The following KCNN3 variants were observed in gnomAD, a reference collection of about 807,000 sequenced individuals.
KCNN3 encodes the protein potassium calcium-activated channel subfamily N member 3.
In KCNN3, 16 loss-of-function variants were observed where a neutral mutation model predicts 62.9. The observed-to-expected ratio is 0.25, with a 90% CI of 0.17 to 0.39. The LOEUF (loss-of-function observed/expected upper bound fraction) is 0.39. Among genes scored for constraint, KCNN3 ranks in the 10% least tolerant of loss-of-function variants. The probability of loss-of-function intolerance (pLI) is 1.00; values close to 1 mark genes in which losing one functional copy is unlikely to be tolerated. For synonymous variants in KCNN3, 370 were observed against 389.2 expected (o/e 0.95, Z 0.58); for missense variants, 599 against 949.4 (o/e 0.63, Z 4.85).
chr1:154,810,710 G>A (rs1017955378), intron 2 of KCNN3, among the ~76,000 whole-genome samples: 34 of 152,206 alleles, frequency 2.2e-4, no homozygotes, highest in African/African-American at 7.0e-4. Flanking sequence ...CTGCTGCAAG[G>A]TTGGACCAAC....
chr1:154,708,557 A>G (rs977803731), intron 7 of KCNN3, among the ~76,000 whole-genome samples: 4 of 151,826 alleles, frequency 2.6e-5, no homozygotes, highest in Non-Finnish European at 5.9e-5. Context: ...AAATAAAGTG[A>G]GTCTCTAAAC....
At chr1:154,765,085 C>A (rs1209662770) in intron 3 of KCNN3, among the ~76,000 whole-genome samples, 1 of 152,022 alleles carries the variant, frequency 6.6e-6, no homozygotes, top group Non-Finnish European at 1.5e-5. Context: ...ATTGTTTCAC[C>A]TTATGATTCA....
At chr1:154,846,588 G>A (rs1267179874) in intron 1 of KCNN3, among the ~76,000 whole-genome samples, 3 of 152,148 alleles carry the variant, frequency 2.0e-5, no homozygotes, top group Admixed American at 1.3e-4. Context: ...ACCCCTCATT[G>A]TCTGCACCGG....
intron 1 of KCNN3, among the ~76,000 whole-genome samples, chr1:154,860,951 G>GTT (rs761437574): frequency 0.2 from 22,580 of 111,980 alleles, 3,149 homozygotes; most frequent in Middle Eastern, 0.34. Context: ...TGCCACCCAA[G>GTT]TTTTTTTTTT....
chr1:154,811,864 T>C (rs1650420444), intron 2 of KCNN3, among the ~76,000 whole-genome samples: 1 of 152,242 alleles, frequency 6.6e-6, no homozygotes, highest in Admixed American at 6.5e-5. Context: ...ACTTTACAAA[T>C]TCTCAGAGAG....
chr1:154,868,165 G>C (rs1301870194), intron 1 of KCNN3: 4 of 985,554 alleles, frequency 4.1e-6, no homozygotes, highest in Non-Finnish European at 4.8e-6. Flanking sequence ...CGGGCTTGTG[G>C]GGACCGCCTG....
At chr1:154,761,345 G>A (rs1416292523) in intron 3 of KCNN3, among the ~76,000 whole-genome samples, 1 of 152,178 alleles carries the variant, frequency 6.6e-6, no homozygotes, top group African/African-American at 2.4e-5. Context: ...GCGCACGCCT[G>A]TAATCCCAGC....
At chr1:154,756,791 TG>T (rs1410320569) in intron 3 of KCNN3, among the ~76,000 whole-genome samples, 2 of 152,230 alleles carry the variant, frequency 1.3e-5, no homozygotes, top group Non-Finnish European at 2.9e-5. Context: ...ATCTACTTTT[TG>T]TTTCCTTACT....
intron 1 of KCNN3, among the ~76,000 whole-genome samples, chr1:154,838,370 C>T (rs1007617548): frequency 6.6e-6 from 1 of 152,110 alleles, no homozygotes; most frequent in Admixed American, 6.5e-5. Flanking sequence ...AGACACAAAT[C>T]GTGCCATCCC....
chr1:154,829,465 C>T (rs1482451373), intron 1 of KCNN3, among the ~76,000 whole-genome samples: 1 of 152,208 alleles, frequency 6.6e-6, no homozygotes, highest in Non-Finnish European at 1.5e-5. Context: ...CACCTTTTCT[C>T]CAGCCCAGTC....
chr1:154,820,758 A>G (rs1650857621), intron 2 of KCNN3, among the ~76,000 whole-genome samples: 1 of 152,224 alleles, frequency 6.6e-6, no homozygotes, highest in Admixed American at 6.5e-5. Flanking sequence ...CCCCTGTCCA[A>G]GCATCTGCAA....
intron 2 of KCNN3, among the ~76,000 whole-genome samples, chr1:154,803,768 G>A (rs1198093486): frequency 1.3e-5 from 2 of 152,242 alleles, no homozygotes; most frequent in African/African-American, 4.8e-5. Flanking sequence ...CCAGCAAGCT[G>A]TTAATCTGAG....
chr1:154,737,692 C>T (rs1700741249), intron 3 of KCNN3, among the ~76,000 whole-genome samples: 1 of 151,600 alleles, frequency 6.6e-6, no homozygotes, highest in Non-Finnish European at 1.5e-5. Flanking sequence ...AAAAGTCTTC[C>T]TAGAGGGGCT....
Position 154,698,993 on chromosome 1 carries a change from C to T in KCNN3, c.*8983G>A, listed in dbSNP as rs1699796793. ...GACTGAACAAATTTTTAGCTATTGC[C>T]TTATGGGAACCACAGAAATGGATTG... On this transcript the variant is annotated 3_prime_UTR_variant, in exon 8 of 8. Transcript: ENST00000271915. The T allele has an allele frequency of 6.6e-6, 1 of 152,124 alleles. No homozygotes were observed. The highest frequency in any genetic ancestry group is 1.5e-5 in the Non-Finnish European group (1 of 68,022). 9.4% of individuals were successfully genotyped at this position (152,124 alleles called of 1,614,324 possible).
At chr1:154,711,635 T>C (rs987181961) in intron 7 of KCNN3, among the ~76,000 whole-genome samples, 5 of 152,162 alleles carry the variant, frequency 3.3e-5, no homozygotes, top group Non-Finnish European at 7.3e-5. Context: ...GGGCAGTTTG[T>C]TGGGCTATTC....
In KCNN3 at chr1:154,822,199, G is replaced by A. The variant is rs777612794; in HGVS notation, c.934-15C>T. On this transcript the variant is annotated splice_polypyrimidine_tract_variant and intron_variant, in intron 1 of 7. Coordinates refer to ENST00000271915, the MANE Select transcript of KCNN3 (RefSeq NM_002249.6). ...AACATGGAGTCCTGCAGGAACAATG[G>A]AGAGAGAGAATTAGGGAGTGCGGGG... 2 of 1,578,186 alleles carry A rather than the reference G, an allele frequency of 1.3e-6. No homozygotes were observed. The highest frequency in any genetic ancestry group is 1.7e-6 in the Non-Finnish European group (2 of 1,147,226).
chr1:154,817,953 GTGGCA>G (rs1339933212), intron 2 of KCNN3, among the ~76,000 whole-genome samples: 1 of 152,172 alleles, frequency 6.6e-6, no homozygotes, highest in African/African-American at 2.4e-5. Flanking sequence ...GGGGCTGCCG[GTGGCA>G]TGTAAAACGT....
chr1:154,768,953 G>C lies in KCNN3; in HGVS notation c.1448+3022C>G, dbSNP rs563656654. ...AGTAGAGGCCAAGATTTCCTCGTATGTGCAGGATTCAGCCTGGGTTGGTGA... is the reference window on the plus strand; with the variant it reads ...AGTAGAGGCCAAGATTTCCTCGTATCTGCAGGATTCAGCCTGGGTTGGTGA... On this transcript the variant is annotated intron_variant, in intron 3 of 7. Coordinates refer to ENST00000271915, the MANE Select transcript of KCNN3 (RefSeq NM_002249.6). Among the ~76,000 whole-genome samples the C allele has an allele frequency of 5.3e-5, 8 of 152,316 alleles. No homozygotes were observed. In the South Asian group the frequency reaches 1.2e-3, roughly 24 times the overall value.
chr1:154,756,529 C>G (rs367667047), intron 3 of KCNN3, among the ~76,000 whole-genome samples: 1 of 151,982 alleles, frequency 6.6e-6, no homozygotes, highest in African/African-American at 2.4e-5. Flanking sequence ...TCCTTCCCCC[C>G]GGCTCCTTGC....
Sources: allele counts gnomAD v4.1 joint callset (sites outside exome capture counted in the v4.1 genomes callset), GRCh38; gene constraint gnomAD v4.1.1; transcripts MANE v1.5; gene names NCBI Gene and HGNC (gene_info 2026-07-23, HGNC 2026-07-21).